Variants in ZNF264 observed in about 807,000 individuals in gnomAD.
ZNF264 encodes zinc finger protein 264.
ZNF264 carries 11 observed loss-of-function variants against 11.2 expected under a neutral mutation model. The observed-to-expected ratio is 0.98, with a 90% CI of 0.62 to 1.63. The LOEUF (loss-of-function observed/expected upper bound fraction) is 1.63. Among genes scored for constraint, ZNF264 ranks in the 40% most tolerant of loss-of-function variants. The pLI is 0.00. For missense variants in ZNF264, 752 were observed against 768.1 expected (o/e 0.98, Z 0.25); for synonymous variants, 309 against 279.8 (o/e 1.10, Z -1.04).
intron 1 of ZNF264, 130 bp downstream of exon 1, chr19:57,192,076 G>A: frequency 2.2e-6 from 2 of 915,156 alleles, no homozygotes; most frequent in African/African-American, 1.7e-5. Context: ...TGTGGAGCTG[G>A]TTTGCCACTT....
At chr19:57,200,221 G>A (rs1425535916) in intron 2 of ZNF264, among the ~76,000 whole-genome samples, 1 of 151,852 alleles carries the variant, frequency 6.6e-6, no homozygotes, top group South Asian at 2.1e-4. Context: ...TACTGTTAAA[G>A]TGAGGGCACT....
chr19:57,212,184 C>T lies in ZNF264; in HGVS notation c.1087C>T (p.Gln363Ter). ...CAGGTCATATCTCATGTGGCACCAGCAGACTCATACCGGGGAGAAGCCCTA... is the reference window on the plus strand; with the variant it reads ...CAGGTCATATCTCATGTGGCACCAGTAGACTCATACCGGGGAGAAGCCCTA... ...KHRSYLMWHQ[Q>*]THTGEKPYEC... The change falls in exon 4 of 4, where the codon CAG (glutamine) becomes TAG (stop). Residue 363 changes from glutamine (Q) to a stop codon, truncating the protein, a stop_gained. Transcript: ENST00000263095. LOFTEE classifies it low-confidence loss of function (END_TRUNC). 1 of 1,613,998 alleles carries T rather than the reference C, an allele frequency of 6.2e-7. No homozygotes were observed. The highest frequency in any genetic ancestry group is 8.5e-7 in the Non-Finnish European group (1 of 1,179,980).
At chr19:57,203,592 T>C (rs1257724012) in intron 2 of ZNF264, among the ~76,000 whole-genome samples, 1 of 152,212 alleles carries the variant, frequency 6.6e-6, no homozygotes, top group Non-Finnish European at 1.5e-5. Context: ...CCTCTTTTTA[T>C]GAAATGTTGG....
At position 57,193,947 on chromosome 19, in the gene ZNF264, C is replaced by G. The variant is rs201456129; in HGVS notation, c.106C>G (p.Arg36Gly). 2 of 1,613,868 alleles carry G rather than the reference C, an allele frequency of 1.2e-6. No individual in the cohort carries two copies. The highest frequency in any genetic ancestry group is 2.2e-5 in the South Asian group (2 of 91,062). The change falls in exon 2 of 4, where the codon CGG becomes GGG. Residue 36 changes from arginine to glycine, a missense_variant. Arg to Gly is a moderately radical substitution (Grantham distance 125). Coordinates refer to ENST00000263095, the MANE Select transcript of ZNF264 (RefSeq NM_003417.5). ...EEWGQLDLAQ[R>G]TLYQEVMLEN... ...GTGGGGGCAGCTGGACCTAGCTCAG[C>G]GGACCCTGTACCAGGAGGTGATGCT...
rs1337551676 is a variant in ZNF264, at chr19:57,221,003, G to T, written c.*8022G>T. ...TACCATGAAGCTGTGCGTATAGGTG[G>T]TACCATGTATGACATACCTTGACCT... On this transcript the variant is annotated 3_prime_UTR_variant, in exon 4 of 4. Coordinates refer to ENST00000263095, the MANE Select transcript of ZNF264 (RefSeq NM_003417.5). 6.6e-6 allele frequency: 1 copy of T among 152,108 alleles called. No homozygotes were observed. The highest frequency in any genetic ancestry group is 6.6e-5 in the Admixed American group (1 of 15,260). The allele number at this position is 152,108 out of a possible 1,614,324, so 9.4% of individuals were successfully genotyped here.
chr19:57,194,908 T>G, intron 2 of ZNF264: 1 of 399,494 alleles, frequency 2.5e-6, no homozygotes, highest in Non-Finnish European at 4.4e-6. Flanking sequence ...TGGGAAGTAT[T>G]ATTGTATTGA....
In ZNF264 at chr19:57,211,522, C is replaced by T; in HGVS notation, c.425C>T (p.Pro142Leu). 1.9e-6 allele frequency: 3 copies of T among 1,613,998 alleles called. No homozygotes were observed. The highest frequency in any genetic ancestry group is 2.5e-6 in the Non-Finnish European group (3 of 1,180,000). Residue 142 changes from proline to leucine, a missense_variant, in exon 4 of 4, where the codon CCA (proline) becomes CTA (leucine). Coordinates refer to ENST00000263095, the MANE Select transcript of ZNF264 (RefSeq NM_003417.5). ...GAAATGCAGGAAGGACACTTCAGAC[C>T]AGGAATAGATCCCCAGGAGAAGTCT... ...LSEMQEGHFRPGIDPQEKSPG... is the reference protein window; with the variant it reads ...LSEMQEGHFRLGIDPQEKSPG...
rs1382813346 is a variant in ZNF264, at chr19:57,213,502, CAT to C, written c.*522_*523del. 3 of 152,486 alleles carry C rather than the reference CAT, an allele frequency of 2.0e-5. No individual in the cohort carries two copies. The highest frequency in any genetic ancestry group is 7.2e-5 in the African/African-American group (3 of 41,452). The allele number at this position is 152,486 out of a possible 1,614,324, so 9.4% of individuals were successfully genotyped here. A position where few individuals can be genotyped will look rare whatever the true frequency, so the allele number is the denominator to read the frequency against. ...TCACGTTTAAGTCAGTAAGGATACA[CAT>C]GTTAACATTCAGGCTTTTGTCTTGA... On this transcript the variant is annotated 3_prime_UTR_variant, in exon 4 of 4. Coordinates refer to ENST00000263095, the MANE Select transcript of ZNF264 (RefSeq NM_003417.5).
intron 2 of ZNF264, among the ~76,000 whole-genome samples, chr19:57,197,480 A>T (rs185514916): frequency 2.0e-5 from 3 of 151,842 alleles, no homozygotes; most frequent in Non-Finnish European, 4.4e-5. Context: ...GGGCCTGCCA[A>T]AGGCTCCAAA....
rs1353784500 is a variant in ZNF264, at chr19:57,191,694, T to C, written c.-220T>C. On this transcript the variant is annotated 5_prime_UTR_variant, in exon 1 of 4. Coordinates refer to ENST00000263095, the MANE Select transcript of ZNF264 (RefSeq NM_003417.5). ...AGCTGCGGTCTCTCCTCCCCCGCCC[T>C]TCAGCCCCGCGGTCTCCAGGGGCGG... The C allele has an allele frequency of 5.0e-6, 2 of 402,030 alleles. No individual in the cohort carries two copies. The highest frequency in any genetic ancestry group is 8.8e-6 in the Non-Finnish European group (2 of 228,116). The allele number at this position is 402,030 out of a possible 1,614,324, so 24.9% of individuals were successfully genotyped here.
At chr19:57,192,385 G>A in intron 1 of ZNF264, 2 of 985,390 alleles carry the variant, frequency 2.0e-6, no homozygotes, top group South Asian at 4.7e-5. Context: ...GGGCAACAGT[G>A]TGTGGTCTTT....
At position 57,213,177 on chromosome 19, in the gene ZNF264, AAGG is replaced by A. The variant is rs1235204400; in HGVS notation, c.*203_*205del. The A allele has an allele frequency of 2.0e-6, 1 of 501,272 alleles. No homozygotes were observed. Among genetic ancestry groups the A allele is most frequent in the Non-Finnish European group, 3.4e-6 (1 of 295,342 alleles). 31.1% of individuals were successfully genotyped at this position (501,272 alleles called of 1,614,324 possible). On this transcript the variant is annotated 3_prime_UTR_variant, in exon 4 of 4. Transcript: ENST00000263095. ...ATTTTATCTCAGGAATTATTTTTAA[AAGG>A]AGGAGGGGACATAGAAAAAATGAAA...
chr19:57,211,305 C>T (rs1402927500), intron 3 of ZNF264, 49 bp from the exon 4 acceptor site: 6 of 1,470,836 alleles, frequency 4.1e-6, no homozygotes, highest in Admixed American at 2.3e-5. Context: ...TTCTTTTTTC[C>T]ATGTTGTCCT....
intron 2 of ZNF264, among the ~76,000 whole-genome samples, chr19:57,203,526 C>G (rs1025264248): frequency 2.0e-5 from 3 of 151,906 alleles, no homozygotes; most frequent in Non-Finnish European, 1.5e-5. Flanking sequence ...ATGAAGCTGT[C>G]CTTTGAGGGT....
rs1489107286 is a variant in ZNF264, at chr19:57,212,150, C to T, written c.1053C>T (p.Val351=). ...ATGAGTGCTTGGAGTGTGGCAAGGT[C>T]TTCAAACACAGGTCATATCTCATGT... is the stretch of plus-strand genomic sequence containing the variant. The part of the protein sequence containing the change: ...NPYECLECGK[V]FKHRSYLMWH... The change falls in exon 4 of 4, where the codon GTC becomes GTT. Residue 351 remains valine (V), a synonymous_variant. Coordinates refer to ENST00000263095, the MANE Select transcript of ZNF264 (RefSeq NM_003417.5). The T allele has an allele frequency of 1.2e-6, 2 of 1,614,174 alleles. No individual in the cohort carries two copies. The highest frequency in any genetic ancestry group is 1.1e-5 in the South Asian group (1 of 91,084).
rs2087357026 is a variant in ZNF264 at position 57,213,476 on chromosome 19, C to G, written c.*495C>G. 1.3e-5 allele frequency: 2 copies of G among 154,624 alleles called. No individual in the cohort carries two copies. Among genetic ancestry groups the G allele is most frequent in the Non-Finnish European group, 2.9e-5 (2 of 69,612 alleles). The allele number at this position is 154,624 out of a possible 1,614,324, so 9.6% of individuals were successfully genotyped here. ...CTTAGGGGGCTTGAGCCATGAAATA[C>G]TCACGTTTAAGTCAGTAAGGATACA... is the stretch of plus-strand genomic sequence containing the variant. On this transcript the variant is annotated 3_prime_UTR_variant, in exon 4 of 4. Transcript: ENST00000263095.
In ZNF264 at chr19:57,212,891, C is replaced by G; in HGVS notation, c.1794C>G (p.Thr598=). ...TAGGGAAGGACTTTTTGAATGTAACCACTGAGGCAAATATTTTGCCAGAGG... is the reference window on the plus strand; with the variant it reads ...TAGGGAAGGACTTTTTGAATGTAACGACTGAGGCAAATATTTTGCCAGAGG... The part of the protein sequence containing the change: ...LLLGKDFLNV[T]TEANILPEET... Residue 598 remains threonine, a synonymous_variant, in exon 4 of 4, where the codon ACC becomes ACG. Transcript: ENST00000263095. The G allele has an allele frequency of 6.2e-7, 1 of 1,614,174 alleles. No individual in the cohort carries two copies. The highest frequency in any genetic ancestry group is 1.1e-5 in the South Asian group (1 of 91,076).
At chr19:57,205,299 C>G in intron 2 of ZNF264, 98 bp from the exon 3 acceptor site, 2 of 1,176,860 alleles carry the variant, frequency 1.7e-6, no homozygotes. Flanking sequence ...CAGCTTCACT[C>G]CAAGGTCTGG....
intron 3 of ZNF264, among the ~76,000 whole-genome samples, chr19:57,208,708 G>T (rs563853067): frequency 6.6e-6 from 1 of 152,276 alleles, no homozygotes; most frequent in Admixed American, 6.5e-5. Context: ...CATTCTTGGA[G>T]TGAAATTATT....
Sources: allele counts gnomAD v4.1 joint callset (sites outside exome capture counted in the v4.1 genomes callset), GRCh38; gene constraint gnomAD v4.1.1; transcripts MANE v1.5; gene names NCBI Gene and HGNC (gene_info 2026-07-23, HGNC 2026-07-21).